Variants in PCCA observed in about 807,000 individuals in gnomAD.
The protein encoded by PCCA is propionyl-CoA carboxylase alpha chain, mitochondrial.
PCCA carries 74 observed loss-of-function variants against 101.3 expected under a neutral mutation model. The ratio of observed to expected loss-of-function variants is 0.73; its 90% CI spans 0.61 to 0.89. The LOEUF is 0.89. Ranked by LOEUF, PCCA falls within the 40% of genes least tolerant of loss-of-function variation. The probability of loss-of-function intolerance (pLI) is 0.00; values close to 1 mark genes in which losing one functional copy is unlikely to be tolerated. For synonymous variants in PCCA, 294 were observed against 313.6 expected (o/e 0.94, Z 0.66); for missense variants, 891 against 907.0 (o/e 0.98, Z 0.23).
chr13:100,425,394 G>A (rs1018497830), intron 19 of PCCA, among the ~76,000 whole-genome samples: 1 of 152,194 alleles, frequency 6.6e-6, no homozygotes, highest in African/African-American at 2.4e-5. Context: ...TGTTACTTAC[G>A]GAAATCACTT....
intron 21 of PCCA, among the ~76,000 whole-genome samples, chr13:100,483,951 G>A (rs2084161671): frequency 6.6e-6 from 1 of 152,190 alleles, no homozygotes; most frequent in African/African-American, 2.4e-5. Context: ...TTCATGGATG[G>A]AGGAAAACAA....
intron 10 of PCCA, among the ~76,000 whole-genome samples, chr13:100,265,668 G>A (rs1324625834): frequency 6.6e-6 from 1 of 151,996 alleles, no homozygotes; most frequent in Non-Finnish European, 1.5e-5. Flanking sequence ...GATTATTCTG[G>A]GGAGAATTGA....
intron 22 of PCCA, among the ~76,000 whole-genome samples, chr13:100,519,320 G>A (rs1238900947): frequency 6.6e-6 from 1 of 152,212 alleles, no homozygotes; most frequent in East Asian, 1.9e-4. Context: ...TTTTTCTTGC[G>A]AATTAGCCCA....
intron 20 of PCCA, among the ~76,000 whole-genome samples, chr13:100,447,115 G>A (rs2080886461): frequency 6.6e-6 from 1 of 152,236 alleles, no homozygotes; most frequent in African/African-American, 2.4e-5. Flanking sequence ...GCTGGGCGCA[G>A]TGGCTCACAC....
chr13:100,265,628 G>T (rs2062882693), intron 10 of PCCA, among the ~76,000 whole-genome samples: 2 of 152,062 alleles, frequency 1.3e-5, no homozygotes, highest in South Asian at 2.1e-4. Context: ...TCTGATGGGA[G>T]ATTTGTATTT....
chr13:100,527,278 C>G (rs552493799), intron 22 of PCCA: 11 of 473,504 alleles, frequency 2.3e-5, no homozygotes, highest in African/African-American at 2.0e-4. Flanking sequence ...AGTGACTCCC[C>G]TTCCCTCTTC....
chr13:100,272,518 C>T (rs1348143597), intron 11 of PCCA, among the ~76,000 whole-genome samples: 1 of 152,078 alleles, frequency 6.6e-6, no homozygotes, highest in South Asian at 2.1e-4. Context: ...GAACCCCAGA[C>T]AGCACCTAAG....
chr13:100,367,634 GTTTTTTTTTTGT>G (rs992709110), intron 18 of PCCA, among the ~76,000 whole-genome samples: 3 of 134,902 alleles, frequency 2.2e-5, no homozygotes, highest in Middle Eastern at 3.5e-3. Context: ...AATAAGTATA[GTTTTTTTTTTGT>G]TTTTTTTTTT....
intron 20 of PCCA, among the ~76,000 whole-genome samples, chr13:100,442,224 G>C (rs2080428981): frequency 6.6e-6 from 1 of 151,984 alleles, no homozygotes; most frequent in Admixed American, 6.6e-5. Context: ...AAACTCCTGG[G>C]CTCAAGTGAT....
chr13:100,141,720 C>A (rs2051897966), intron 4 of PCCA, among the ~76,000 whole-genome samples: 1 of 152,252 alleles, frequency 6.6e-6, no homozygotes, highest in East Asian at 1.9e-4. Context: ...GCCTTTATTA[C>A]TCTTAATTGC....
At chr13:100,148,256 G>T (rs1284890452) in intron 4 of PCCA, among the ~76,000 whole-genome samples, 1 of 152,072 alleles carries the variant, frequency 6.6e-6, no homozygotes, top group Non-Finnish European at 1.5e-5. Context: ...CATATCTCAG[G>T]TGTTTTTACC....
intron 19 of PCCA, among the ~76,000 whole-genome samples, chr13:100,391,561 T>C (rs1001547007): frequency 1.3e-5 from 2 of 152,144 alleles, no homozygotes; most frequent in Admixed American, 6.5e-5. Flanking sequence ...CAGCTCTGCA[T>C]GTCCAGGAGG....
intron 19 of PCCA, among the ~76,000 whole-genome samples, chr13:100,383,484 C>T (rs1173037301): frequency 6.6e-6 from 1 of 151,922 alleles, no homozygotes; most frequent in Non-Finnish European, 1.5e-5. Context: ...GTGATACACG[C>T]CTGTAGCCTC....
intron 21 of PCCA, among the ~76,000 whole-genome samples, chr13:100,499,149 C>T (rs903753611): frequency 4.6e-5 from 7 of 152,160 alleles, no homozygotes; most frequent in African/African-American, 7.2e-5. Context: ...GGTTTGCTTC[C>T]GTGGCTCAGC....
intron 19 of PCCA, among the ~76,000 whole-genome samples, chr13:100,421,554 G>A (rs1318012838): frequency 6.6e-6 from 1 of 151,874 alleles, no homozygotes; most frequent in Non-Finnish European, 1.5e-5. Flanking sequence ...TTTGCTGGGT[G>A]TAAAATTGGG....
intron 12 of PCCA, among the ~76,000 whole-genome samples, chr13:100,283,715 A>G (rs1209592027): frequency 1.3e-5 from 2 of 152,228 alleles, no homozygotes; most frequent in Admixed American, 6.5e-5. Flanking sequence ...GATCAGAGAA[A>G]GGCCGCAGCC....
At chr13:100,183,287 A>T (rs1311399797) in intron 6 of PCCA, among the ~76,000 whole-genome samples, 1 of 152,188 alleles carries the variant, frequency 6.6e-6, no homozygotes, top group Non-Finnish European at 1.5e-5. Flanking sequence ...CATTAGCGTT[A>T]CAAAGTACAG....
At chr13:100,427,818 A>T (rs2079257897) in intron 20 of PCCA, among the ~76,000 whole-genome samples, 1 of 151,850 alleles carries the variant, frequency 6.6e-6, no homozygotes, top group African/African-American at 2.4e-5. Context: ...CATTATATCG[A>T]CTCTTTCCAA....
chr13:100,525,448 G>A (rs1221187591), intron 22 of PCCA, among the ~76,000 whole-genome samples: 1 of 152,234 alleles, frequency 6.6e-6, no homozygotes, highest in Non-Finnish European at 1.5e-5. Context: ...CCACAGCAGA[G>A]CCCCTTAAGC....
Sources: allele counts gnomAD v4.1 joint callset (sites outside exome capture counted in the v4.1 genomes callset), GRCh38; gene constraint gnomAD v4.1.1; transcripts MANE v1.5; gene names NCBI Gene and HGNC (gene_info 2026-07-23, HGNC 2026-07-21).